PADI1: variants seen among roughly 807,000 people sequenced by gnomAD.
The protein encoded by PADI1 is peptidyl arginine deiminase 1.
PADI1 carries 65 observed loss-of-function variants against 74.8 expected under a neutral mutation model. The ratio of observed to expected loss-of-function variants is 0.87; its 90% CI spans 0.71 to 1.07. The LOEUF is 1.07. Among genes scored for constraint, PADI1 ranks in the 50% least tolerant of loss-of-function variants. The pLI is 0.00. For synonymous variants in PADI1, 371 were observed against 336.2 expected, an observed-to-expected ratio of 1.10 and a Z score of -1.13; for missense variants, 943 against 854.0, an observed-to-expected ratio of 1.10 and a Z score of -1.30.
intron 11 of PADI1, among the ~76,000 whole-genome samples, chr1:17,234,116 C>T (rs762374321): frequency 2.6e-5 from 4 of 152,218 alleles, no homozygotes; most frequent in African/African-American, 9.6e-5. Context: ...TGAGTCCTGG[C>T]CCTGCCACTT....
intron 4 of PADI1, among the ~76,000 whole-genome samples, chr1:17,224,973 C>G (rs1261926138): frequency 6.6e-6 from 1 of 152,126 alleles, no homozygotes; most frequent in African/African-American, 2.4e-5. Flanking sequence ...GATCACAAAG[C>G]TTTGAGGACA....
At chr1:17,207,814 C>T (rs1315871786) in intron 1 of PADI1, among the ~76,000 whole-genome samples, 1 of 152,246 alleles carries the variant, frequency 6.6e-6, no homozygotes, top group Non-Finnish European at 1.5e-5. Flanking sequence ...CCTTCAGGAA[C>T]CTTCACCTGG....
rs189166189 is a variant in PADI1, at chr1:17,221,971, G to A, written c.93-319G>A. ...CTGCTCGGTGATCCAGGCGAGGGGT[G>A]ATGGTGGCTTGGGCCGCAGTGATGT... On this transcript the variant is annotated intron_variant, in intron 1 of 15. Transcript: ENST00000375471. Among the ~76,000 whole-genome samples the A allele has an allele frequency of 1.4e-3, 213 of 152,372 alleles. 1 individual carries two copies. Among genetic ancestry groups the A allele is most frequent in the African/African-American group, 4.8e-3 (201 of 41,592 alleles).
chr1:17,214,841 G>T (rs1372841414), intron 1 of PADI1, among the ~76,000 whole-genome samples: 1 of 152,234 alleles, frequency 6.6e-6, no homozygotes, highest in Non-Finnish European at 1.5e-5. Context: ...CCGGGGCAAG[G>T]GTTGGGGTAG....
intron 10 of PADI1, among the ~76,000 whole-genome samples, chr1:17,231,393 A>G (rs1349013080): frequency 6.6e-6 from 1 of 151,934 alleles, no homozygotes; most frequent in Non-Finnish European, 1.5e-5. Flanking sequence ...AGGCTGCACT[A>G]CCCCTCGAGG....
intron 2 of PADI1, among the ~76,000 whole-genome samples, chr1:17,222,943 G>A (rs943779268): frequency 1.8e-5 from 2 of 109,522 alleles, no homozygotes; most frequent in Non-Finnish European, 3.6e-5. Flanking sequence ...CTCCTCACTC[G>A]CCCCAGCCCC....
At chr1:17,223,556 C>T in intron 2 of PADI1, 65 bp from the exon 3 acceptor site, 3 of 1,328,430 alleles carry the variant, frequency 2.3e-6, no homozygotes, top group South Asian at 1.2e-5. Context: ...ATGTGTCCCT[C>T]ATCACCTCTG....
chr1:17,240,669 G>A lies in PADI1; in HGVS notation c.1667G>A (p.Arg556Gln), dbSNP rs762247297. 9.3e-6 allele frequency: 15 copies of A among 1,614,002 alleles called. No individual in the cohort carries two copies. The highest frequency in any genetic ancestry group is 3.3e-5 in the South Asian group (3 of 91,080). ...CIDWNRNVLK[R>Q]ELGLAESDIV... is the part of the protein sequence containing the mutation. Reference sequence around the variant, plus strand: ...GACTGGAACCGTAATGTGCTGAAGCGGGAGCTGGGCCTGGCAGAGAGTGAC... The same window carrying A: ...GACTGGAACCGTAATGTGCTGAAGCAGGAGCTGGGCCTGGCAGAGAGTGAC... The change falls in exon 15 of 16, where the codon CGG becomes CAG. Residue 556 changes from arginine to glutamine, a missense_variant. Transcript: ENST00000375471.
In PADI1 at chr1:17,229,030, C is replaced by G. The variant is rs1433246369; in HGVS notation, c.908C>G (p.Pro303Arg). The G allele has an allele frequency of 1.9e-6, 3 of 1,573,226 alleles. No homozygotes were observed. Among genetic ancestry groups the G allele is most frequent in the African/African-American group, 2.7e-5 (2 of 74,022 alleles). The change falls in exon 8 of 16, where the codon CCT (proline) becomes CGT (arginine). Residue 303 changes from proline to arginine, a missense_variant. By Grantham distance (103) the Pro-to-Arg change is moderately radical. Coordinates refer to ENST00000375471, the MANE Select transcript of PADI1 (RefSeq NM_013358.3). ...ATCATGACGCCCAACACTCAGCCTC[C>G]TGAGGAGCTGTATGTGTGCAGGTGA... Reference protein sequence around the residue: ...PWIMTPNTQPPEELYVCRVMD... With the variant: ...PWIMTPNTQPREELYVCRVMD...
intron 1 of PADI1, among the ~76,000 whole-genome samples, chr1:17,217,201 G>T (rs1333565197): frequency 6.6e-6 from 1 of 152,116 alleles, no homozygotes; most frequent in Non-Finnish European, 1.5e-5. Flanking sequence ...TTGGGGTGGG[G>T]CGGAACCACA....
rs2072296706 is a variant in PADI1, at chr1:17,225,938, A to T, written c.526+10A>T. ...CTGATGTCGCTGGCTGGTGAGTGAC[A>T]CAAGGTGTTGTCTGGGGAGTGGGGA... On this transcript the variant is annotated intron_variant, in intron 5 of 15. Coordinates refer to ENST00000375471, the MANE Select transcript of PADI1 (RefSeq NM_013358.3). The T allele has an allele frequency of 6.2e-7, 1 of 1,613,402 alleles. No individual in the cohort carries two copies. Among genetic ancestry groups the T allele is most frequent in the African/African-American group, 1.3e-5 (1 of 74,910 alleles).
In PADI1 at chr1:17,239,262, A is replaced by G. The variant is rs112444963; in HGVS notation, c.1553-442A>G. On this transcript the variant is annotated intron_variant, in intron 13 of 15. Transcript: ENST00000375471. Reference sequence around the variant, plus strand: ...GGATGTGGTGCAGACATCCACAAGGATAGCCCTGAGTTCAAATCCTGATCT... The same window carrying G: ...GGATGTGGTGCAGACATCCACAAGGGTAGCCCTGAGTTCAAATCCTGATCT... Among the ~76,000 whole-genome samples the G allele has an allele frequency of 2.2e-3, 329 of 152,340 alleles. 2 individuals are homozygous for G. The highest frequency in any genetic ancestry group is 7.4e-3 in the African/African-American group (307 of 41,570).
Position 17,222,342 on chromosome 1 carries a change from G to T in PADI1, c.145G>T (p.Glu49Ter), listed in dbSNP as rs566630301. 30 of 1,614,052 alleles carry T rather than the reference G, an allele frequency of 1.9e-5. No individual in the cohort carries two copies. The East Asian group carries it at 5.8e-4, about 31-fold the overall frequency. ...SFRVSGSSGV[E>*]VFMVYNRTRV... ...CAGGGTCTCTGGAAGCTCCGGGGTG[G>T]AGGTCTTCATGGTCTACAACCGCAC... Residue 49 changes from glutamate to a stop codon, truncating the protein, a stop_gained, in exon 2 of 16, where the codon GAG (glutamate) becomes TAG (stop). Transcript: ENST00000375471. LOFTEE classifies it high-confidence loss of function.
intron 6 of PADI1, among the ~76,000 whole-genome samples, chr1:17,227,296 C>T (rs1312985472): frequency 1.3e-5 from 2 of 150,684 alleles, no homozygotes; most frequent in African/African-American, 4.9e-5. Context: ...GCCTATAATT[C>T]CAGCACTTTG....
chr1:17,214,999 T>C (rs1028735456), intron 1 of PADI1, among the ~76,000 whole-genome samples: 1 of 152,210 alleles, frequency 6.6e-6, no homozygotes, highest in African/African-American at 2.4e-5. Context: ...GCCGCTCTTC[T>C]GTAGCTGAAG....
intron 7 of PADI1, 48 bp downstream of exon 7, chr1:17,228,845 G>T (rs770446237): frequency 6.2e-7 from 1 of 1,604,940 alleles, no homozygotes; most frequent in Admixed American, 1.7e-5. Context: ...GGGTTTGGGG[G>T]CCCAGTTTGC....
intron 1 of PADI1, among the ~76,000 whole-genome samples, chr1:17,215,980 A>G (rs1557453553): frequency 6.6e-6 from 1 of 152,168 alleles, no homozygotes; most frequent in Non-Finnish European, 1.5e-5. Context: ...AACAGGCAAG[A>G]AGGGTACATC....
rs541619843 is a variant in PADI1 at position 17,206,506 on chromosome 1, T to C, written c.92+1197T>C. ...GTCTAGGTGGCCAGCAGAGACCCCA[T>C]TGTCTCTTGCCCTGTTAACATAGGC... On this transcript the variant is annotated intron_variant, in intron 1 of 15. Coordinates refer to ENST00000375471, the MANE Select transcript of PADI1 (RefSeq NM_013358.3). Among the ~76,000 whole-genome samples, 3 of 152,236 alleles carry C rather than the reference T, an allele frequency of 2.0e-5. No individual in the cohort carries two copies. The East Asian group carries it at 5.8e-4, about 29-fold the overall frequency.
Position 17,230,526 on chromosome 1 carries a change from C to A in PADI1, c.1054-46C>A, listed in dbSNP as rs191628807. 15 of 1,378,712 alleles carry A rather than the reference C, an allele frequency of 1.1e-5. No homozygotes were observed. In the Admixed American group the frequency reaches 2.7e-4, roughly 24 times the overall value. 85.4% of individuals were successfully genotyped at this position (1,378,712 alleles called of 1,614,324 possible). ...GGTGGGGACCACCCTGTTCTGTAAACCACCCGAAAAAGGTCACTGTGGCTT... is the reference window on the plus strand; with the variant it reads ...GGTGGGGACCACCCTGTTCTGTAAAACACCCGAAAAAGGTCACTGTGGCTT... On this transcript the variant is annotated intron_variant, in intron 9 of 15. Transcript: ENST00000375471.
Sources: allele counts gnomAD v4.1 joint callset (sites outside exome capture counted in the v4.1 genomes callset), GRCh38; gene constraint gnomAD v4.1.1; transcripts MANE v1.5; gene names NCBI Gene and HGNC (gene_info 2026-07-23, HGNC 2026-07-21).